The following FCAR variants were observed in gnomAD, a reference collection of about 807,000 sequenced individuals.
The protein encoded by FCAR is Fc alpha receptor.
FCAR carries 21 observed loss-of-function variants against 27.1 expected under a neutral mutation model. The ratio of observed to expected loss-of-function variants is 0.77; its 90% CI spans 0.55 to 1.11. FCAR has a LOEUF of 1.11. Among genes scored for constraint, FCAR ranks in the 50% most tolerant of loss-of-function variants. FCAR has a pLI of 0.00. For missense variants in FCAR, 404 were observed against 358.4 expected, an observed-to-expected ratio of 1.13 and a Z score of -1.03; for synonymous variants, 134 against 135.8, an observed-to-expected ratio of 0.99 and a Z score of 0.09.
chr19:54,887,321 T>C (rs28542649), intron 3 of FCAR, among the ~76,000 whole-genome samples: 25,378 of 149,900 alleles, frequency 0.17, 2,333 homozygotes, highest in Middle Eastern at 0.21. Context: ...ATAAATAAAT[T>C]CTAAAAAAGA....
intron 4 of FCAR, 139 bp downstream of exon 4, chr19:54,888,433 G>C: frequency 6.9e-7 from 1 of 1,446,382 alleles, no homozygotes; most frequent in South Asian, 1.5e-5. Flanking sequence ...AGAGAGAAAG[G>C]CTTCCCCACC....
intron 2 of FCAR, among the ~76,000 whole-genome samples, chr19:54,878,331 G>T (rs1243241408): frequency 6.6e-6 from 1 of 152,160 alleles, no homozygotes; most frequent in Non-Finnish European, 1.5e-5. Context: ...GTAGATGTCT[G>T]TCAGGTCCAT....
intron 2 of FCAR, among the ~76,000 whole-genome samples, chr19:54,876,716 G>A (rs1002130800): frequency 2.6e-5 from 4 of 151,740 alleles, no homozygotes; most frequent in East Asian, 3.9e-4. Context: ...TCAGGAGATC[G>A]ACACCATCCT....
At position 54,885,702 on chromosome 19, in the gene FCAR, C is replaced by T. The variant is rs141437831; in HGVS notation, c.361+177C>T. On this transcript the variant is annotated intron_variant, in intron 3 of 4. Coordinates refer to ENST00000355524, the MANE Select transcript of FCAR (RefSeq NM_002000.4). ...GTTAACATCTTACATTAGTATGGCACATTTCTTACCATTAATGAACAAATA... is the reference window on the plus strand; with the variant it reads ...GTTAACATCTTACATTAGTATGGCATATTTCTTACCATTAATGAACAAATA... Among the ~76,000 whole-genome samples, 729 of 152,334 alleles carry T rather than the reference C, an allele frequency of 4.8e-3. 7 individuals are homozygous for T. The highest frequency in any genetic ancestry group is 0.017 in the Middle Eastern group (5 of 294).
At chr19:54,884,359 C>T (rs2066585806) in intron 2 of FCAR, among the ~76,000 whole-genome samples, 1 of 152,098 alleles carries the variant, frequency 6.6e-6, no homozygotes, top group Non-Finnish European at 1.5e-5. Context: ...CAGCCAGGTG[C>T]GGTGGCTCAC....
chr19:54,875,243 T>G (rs1208456698), intron 1 of FCAR, 87 bp from the exon 2 acceptor site: 3 of 1,089,082 alleles, frequency 2.8e-6, no homozygotes, highest in African/African-American at 1.6e-5. Flanking sequence ...CTGGTACTGG[T>G]CTTTTTCTGG....
At chr19:54,881,987 CA>C (rs1440945215) in intron 2 of FCAR, among the ~76,000 whole-genome samples, 1 of 152,220 alleles carries the variant, frequency 6.6e-6, no homozygotes, top group Non-Finnish European at 1.5e-5. Flanking sequence ...TCACGGGCAG[CA>C]GAGGCAGAAC....
chr19:54,877,896 C>T (rs2066181398), intron 2 of FCAR, among the ~76,000 whole-genome samples: 1 of 148,784 alleles, frequency 6.7e-6, no homozygotes, highest in South Asian at 2.1e-4. Flanking sequence ...TCTGATTTCG[C>T]TTTTCTGGAT....
chr19:54,889,836 T>G lies in FCAR; in HGVS notation c.837T>G (p.Phe279Leu), dbSNP rs972474242. The G allele has an allele frequency of 2.5e-6, 4 of 1,606,430 alleles. No homozygotes were observed. The African/African-American group carries it at 4.0e-5, about 16-fold the overall frequency. Residue 279 changes from phenylalanine (F) to leucine (L), a missense_variant, in exon 5 of 5, where the codon TTT becomes TTG. By Grantham distance (22) the Phe-to-Leu change is conservative. Transcript: ENST00000355524. ...AGATGTGTCAGCCAGGATTGACCTTTGCACGAACACCAAGTGTCTGCAAGT... is the reference window on the plus strand; with the variant it reads ...AGATGTGTCAGCCAGGATTGACCTTGGCACGAACACCAAGTGTCTGCAAGT... ...SQQMCQPGLT[F>L]ARTPSVCK
At chr19:54,884,011 G>GCT (rs1466101570) in intron 2 of FCAR, among the ~76,000 whole-genome samples, 1 of 152,204 alleles carries the variant, frequency 6.6e-6, no homozygotes, top group East Asian at 1.9e-4. Flanking sequence ...ACAGAGTTCA[G>GCT]GCAGAAGGGG....
Position 54,890,113 on chromosome 19 carries a change from C to T in FCAR, c.*250C>T. ...GAATTACAGGCACATACCACTGCACCCAGCTAATTTTTGTATTTTTAGTAG... is the reference window on the plus strand; with the variant it reads ...GAATTACAGGCACATACCACTGCACTCAGCTAATTTTTGTATTTTTAGTAG... On this transcript the variant is annotated 3_prime_UTR_variant, in exon 5 of 5. Transcript: ENST00000355524. 1.9e-6 allele frequency: 1 copy of T among 533,434 alleles called. No individual in the cohort carries two copies. Among genetic ancestry groups the T allele is most frequent in the Non-Finnish European group, 3.3e-6 (1 of 299,258 alleles). 33.0% of individuals were successfully genotyped at this position (533,434 alleles called of 1,614,324 possible). A position where few individuals can be genotyped will look rare whatever the true frequency, so the allele number is the denominator to read the frequency against.
rs377472257 is a variant in FCAR at position 54,889,732 on chromosome 19, C to G, written c.733C>G (p.Leu245Val). The G allele has an allele frequency of 6.8e-6, 11 of 1,613,968 alleles. No individual in the cohort carries two copies. In the African/African-American group the frequency reaches 1.2e-4, roughly 18 times the overall value. ...GGTCCTCGTGGCTCTCTTGGCCATACTGGTTGAAAATTGGCACAGCCATAC... is the reference window on the plus strand; with the variant it reads ...GGTCCTCGTGGCTCTCTTGGCCATAGTGGTTGAAAATTGGCACAGCCATAC... ...GLVLVALLAI[L>V]VENWHSHTAL... Residue 245 changes from leucine to valine, a missense_variant, in exon 5 of 5, where the codon CTG becomes GTG. By Grantham distance (32) the Leu-to-Val change is conservative. Coordinates refer to ENST00000355524, the MANE Select transcript of FCAR (RefSeq NM_002000.4).
chr19:54,882,169 TG>T (rs1271625954), intron 2 of FCAR, among the ~76,000 whole-genome samples: 1 of 152,170 alleles, frequency 6.6e-6, no homozygotes, highest in Non-Finnish European at 1.5e-5. Flanking sequence ...GAAGAGAGAC[TG>T]GACTCCTCTC....
intron 2 of FCAR, among the ~76,000 whole-genome samples, chr19:54,876,555 C>T (rs975054112): frequency 2.0e-5 from 3 of 152,006 alleles, no homozygotes; most frequent in African/African-American, 7.2e-5. Context: ...TGAATTTTAT[C>T]AAAAGCTCTA....
intron 2 of FCAR, among the ~76,000 whole-genome samples, chr19:54,879,162 C>T (rs749185258): frequency 1.2e-4 from 18 of 152,266 alleles, no homozygotes; most frequent in African/African-American, 4.1e-4. Flanking sequence ...CAGGCGTGAG[C>T]CACTGCACCT....
chr19:54,888,553 C>T (rs79047202), intron 4 of FCAR: 51,320 of 1,290,962 alleles, frequency 0.04, 1,259 homozygotes, highest in Admixed American at 0.11. Flanking sequence ...TTATTTATTT[C>T]ATTTTATTTT....
chr19:54,889,758 G>T lies in FCAR; in HGVS notation c.759G>T (p.Thr253=). The change falls in exon 5 of 5, where the codon ACG becomes ACT. Residue 253 remains threonine (T), a synonymous_variant. Coordinates refer to ENST00000355524, the MANE Select transcript of FCAR (RefSeq NM_002000.4). ...AILVENWHSH[T]ALNKEASADV... ...TGGTTGAAAATTGGCACAGCCATACGGCACTGAACAAGGAAGCCTCGGCAG... is the reference window on the plus strand; with the variant it reads ...TGGTTGAAAATTGGCACAGCCATACTGCACTGAACAAGGAAGCCTCGGCAG... 1 of 1,613,968 alleles carries T rather than the reference G, an allele frequency of 6.2e-7. No homozygotes were observed. Among genetic ancestry groups the T allele is most frequent in the South Asian group, 1.1e-5 (1 of 91,072 alleles).
chr19:54,887,980 C>G (rs2066839895), intron 3 of FCAR, 27 bp from the exon 4 acceptor site: 1 of 1,560,666 alleles, frequency 6.4e-7, no homozygotes, highest in African/African-American at 1.4e-5. Flanking sequence ...AAAGGTCTTT[C>G]TAATAGCTCA....
At chr19:54,879,766 C>T (rs587746481) in intron 2 of FCAR, among the ~76,000 whole-genome samples, 1 of 151,502 alleles carries the variant, frequency 6.6e-6, no homozygotes, top group African/African-American at 2.4e-5. Flanking sequence ...TCACTGCAAG[C>T]TCCGCCTCCC....
Sources: allele counts gnomAD v4.1 joint callset (sites outside exome capture counted in the v4.1 genomes callset), GRCh38; gene constraint gnomAD v4.1.1; transcripts MANE v1.5; gene names NCBI Gene and HGNC (gene_info 2026-07-23, HGNC 2026-07-21).